Variants in ARRB1 observed in about 807,000 individuals in gnomAD.
ARRB1 encodes the protein beta-arrestin-1.
A neutral mutation model predicts 56.8 loss-of-function variants in ARRB1; 21 were observed. The ratio of observed to expected loss-of-function variants is 0.37; its 90% confidence interval spans 0.26 to 0.53. The LOEUF (loss-of-function observed/expected upper bound fraction) is 0.53, where lower values mean the gene tolerates loss of function less well. Among genes scored for constraint, ARRB1 ranks in the 20% least tolerant of loss-of-function variants. ARRB1 has a pLI of 0.88. For missense variants in ARRB1, 424 were observed against 553.7 expected, an observed-to-expected ratio of 0.77 and a Z score of 2.35; for synonymous variants, 210 against 218.6, an observed-to-expected ratio of 0.96 and a Z score of 0.35.
intron 14 of ARRB1, 22 bp from the exon 15 acceptor site, chr11:75,267,725 A>AG: frequency 2.8e-6 from 2 of 718,138 alleles, no homozygotes; most frequent in Non-Finnish European, 4.9e-6. Context: ...GTGGGTGGGC[A>AG]GGGTGTCCAG....
intron 1 of ARRB1, chr11:75,335,108 C>A: frequency 5.3e-6 from 1 of 188,532 alleles, no homozygotes; most frequent in Non-Finnish European, 1.3e-5. Context: ...CGCCTCGGGG[C>A]TGGAGGAAGG....
chr11:75,266,159 C>G lies in ARRB1; in HGVS notation c.*4G>C, dbSNP rs777951315. The G allele has an allele frequency of 5.0e-6, 8 of 1,613,336 alleles. No homozygotes were observed. The Admixed American group carries it at 1.2e-4, about 24-fold the overall frequency. On this transcript the variant is annotated 3_prime_UTR_variant, in exon 16 of 16. Coordinates refer to ENST00000420843, the MANE Select transcript of ARRB1 (RefSeq NM_004041.5). ...GGAGCCACGTGGAGGCAGGGCCGGCCCGTCTATCTGTTGTTGAGCTGTGGA... is the reference window on the plus strand; with the variant it reads ...GGAGCCACGTGGAGGCAGGGCCGGCGCGTCTATCTGTTGTTGAGCTGTGGA...
chr11:75,278,722 G>C lies in ARRB1; in HGVS notation c.505C>G (p.Arg169Gly). 1 of 1,612,028 alleles carries C rather than the reference G, an allele frequency of 6.2e-7. No individual in the cohort carries two copies. The highest frequency in any genetic ancestry group is 8.5e-7 in the Non-Finnish European group (1 of 1,178,888). ...HKRNSVRLVI[R>G]KVQYAPERPG... ...CTCTCTGGGGCATACTGAACCTTCC[G>C]GATGACCAGACGCACAGAATTCCTA... The change falls in exon 8 of 16, where the codon CGG becomes GGG. Residue 169 changes from arginine (R) to glycine (G), a missense_variant. Arg to Gly is a moderately radical substitution (Grantham distance 125, BLOSUM62 -2). Transcript: ENST00000420843.
At chr11:75,299,253 T>C (rs1000334280) in intron 1 of ARRB1, among the ~76,000 whole-genome samples, 13 of 148,678 alleles carry the variant, frequency 8.7e-5, no homozygotes, top group Non-Finnish European at 1.3e-4. Flanking sequence ...AAAAAACAAC[T>C]AAAAAAAGAC....
chr11:75,278,705 G>A lies in ARRB1; in HGVS notation c.522C>T (p.Ala174=), dbSNP rs1231695912. Residue 174 remains alanine, a synonymous_variant, in exon 8 of 16, where the codon GCC becomes GCT. Transcript: ENST00000420843. The stretch of plus-strand genomic sequence containing the variant: ...TGGGCTGGGGGCCAGGCCTCTCTGG[G>A]GCATACTGAACCTTCCGGATGACCA... ...VRLVIRKVQY[A]PERPGPQPTA... 14 of 1,613,946 alleles carry A rather than the reference G, an allele frequency of 8.7e-6. No homozygotes were observed. The highest frequency in any genetic ancestry group is 1.2e-5 in the Non-Finnish European group (14 of 1,179,892).
chr11:75,305,018 C>CTTTTTTTTT (rs35323331), intron 1 of ARRB1, among the ~76,000 whole-genome samples: 284 of 86,738 alleles, frequency 3.3e-3, no homozygotes, highest in Non-Finnish European at 4.8e-3. Flanking sequence ...TTCTTTCTTT[C>CTTTTTTTTT]TTTTTTTTTT....
chr11:75,282,958 T>C (rs545782633), intron 5 of ARRB1, among the ~76,000 whole-genome samples: 5 of 152,348 alleles, frequency 3.3e-5, no homozygotes, highest in Admixed American at 1.3e-4. Context: ...GGGGAGCTGA[T>C]CTGAGCGGGA....
At chr11:75,327,212 G>A (rs1179645428) in intron 1 of ARRB1, among the ~76,000 whole-genome samples, 1 of 137,058 alleles carries the variant, frequency 7.3e-6, no homozygotes, top group African/African-American at 2.8e-5. Flanking sequence ...TGAGGCAGGA[G>A]AATGGCGTGA....
At chr11:75,319,786 C>T (rs1295892133) in intron 1 of ARRB1, among the ~76,000 whole-genome samples, 1 of 152,094 alleles carries the variant, frequency 6.6e-6, no homozygotes, top group African/African-American at 2.4e-5. Flanking sequence ...CCGTAAGGGT[C>T]CCCAGGGGGA....
intron 1 of ARRB1, among the ~76,000 whole-genome samples, chr11:75,295,268 C>G (rs538685764): frequency 7.0e-6 from 1 of 143,758 alleles, no homozygotes; most frequent in African/African-American, 2.6e-5. Flanking sequence ...AACATATTAT[C>G]TTATAGTTTG....
At chr11:75,342,203 G>C (rs1947702071) in intron 1 of ARRB1, among the ~76,000 whole-genome samples, 1 of 152,216 alleles carries the variant, frequency 6.6e-6, no homozygotes, top group South Asian at 2.1e-4. Flanking sequence ...TTGGGCATCT[G>C]CCCACTTCTC....
At chr11:75,346,349 G>A (rs887530566) in intron 1 of ARRB1, among the ~76,000 whole-genome samples, 1 of 152,136 alleles carries the variant, frequency 6.6e-6, no homozygotes, top group Admixed American at 6.5e-5. Flanking sequence ...AGCCTGAAAG[G>A]AGAGCACAGG....
At chr11:75,269,049 G>C in intron 13 of ARRB1, 90 bp from the exon 14 acceptor site, 1 of 1,427,272 alleles carries the variant, frequency 7.0e-7, no homozygotes, top group Non-Finnish European at 9.8e-7. Context: ...GAGGACTGCA[G>C]AGGGTTTTGC....
At chr11:75,296,185 CAAAAAAAAA>C (rs11428462) in intron 1 of ARRB1, among the ~76,000 whole-genome samples, 2 of 84,888 alleles carry the variant, frequency 2.4e-5, no homozygotes, top group South Asian at 9.0e-4. Flanking sequence ...GACTTTGTCT[CAAAAAAAAA>C]AAAAAAAAAA....
intron 1 of ARRB1, among the ~76,000 whole-genome samples, chr11:75,319,950 G>A (rs745339993): frequency 1.3e-5 from 2 of 152,150 alleles, no homozygotes; most frequent in Admixed American, 6.5e-5. Flanking sequence ...AAACAAATAC[G>A]AAGCATGCTA....
At chr11:75,266,400 G>A (rs948329930) in intron 15 of ARRB1, 126 bp from the exon 16 acceptor site, 2 of 739,022 alleles carry the variant, frequency 2.7e-6, no homozygotes, top group Admixed American at 2.1e-5. Context: ...CCTCTCTGAG[G>A]TCTCTGGCCT....
intron 1 of ARRB1, among the ~76,000 whole-genome samples, chr11:75,294,558 AAAATAAATAAATAAATAAAT>A (rs201799600): frequency 1.7e-3 from 230 of 133,180 alleles, no homozygotes; most frequent in African/African-American, 5.1e-3. Context: ...CTCCGTCTCA[AAAATAAATAAATAAATAAAT>A]AAATAAATAA....
intron 1 of ARRB1, among the ~76,000 whole-genome samples, chr11:75,349,354 C>T (rs1225453225): frequency 1.3e-5 from 2 of 152,174 alleles, no homozygotes; most frequent in Admixed American, 6.5e-5. Context: ...AAACTAACGT[C>T]CGGAAAAGTA....
At chr11:75,321,883 T>C (rs1947354021) in intron 1 of ARRB1, among the ~76,000 whole-genome samples, 1 of 152,216 alleles carries the variant, frequency 6.6e-6, no homozygotes, top group Non-Finnish European at 1.5e-5. Flanking sequence ...CCTGTCTACA[T>C]AAAGCTTCCC....
Sources: gnomAD v4.1 joint callset for allele counts (sites outside exome capture counted in the v4.1 genomes callset) on GRCh38, gnomAD v4.1.1 for gene constraint, MANE v1.5 for transcripts, NCBI Gene and HGNC (gene_info 2026-07-23, HGNC 2026-07-21) for gene names.